The following GPHN variants were observed in gnomAD, a reference collection of about 807,000 sequenced individuals.
The protein encoded by GPHN is gephyrin.
Under a neutral mutation model 95.5 loss-of-function variants are expected in GPHN, and 17 were observed. The ratio of observed to expected loss-of-function variants is 0.18; its 90% CI spans 0.12 to 0.27. The LOEUF is 0.27. Ranked by LOEUF, GPHN falls within the 10% of genes least tolerant of loss-of-function variation. GPHN has a pLI of 1.00. For missense variants in GPHN, 660 were observed against 978.1 expected, an observed-to-expected ratio of 0.67 and a Z score of 4.34; for synonymous variants, 320 against 322.5, an observed-to-expected ratio of 0.99 and a Z score of 0.08.
chr14:67,622,566 T>G, the GPHN span, among the ~76,000 whole-genome samples: 1 of 152,246 alleles, frequency 6.6e-6, no homozygotes, highest in Non-Finnish European at 1.5e-5. Context: ...AGATTTAGTC[T>G]TCTTTTAATG....
chr14:66,775,570 A>C (rs1296698668), intron 2 of GPHN, among the ~76,000 whole-genome samples: 1 of 152,202 alleles, frequency 6.6e-6, no homozygotes, highest in Non-Finnish European at 1.5e-5. Flanking sequence ...CTAAGTATTC[A>C]AAATCTGGTG....
At chr14:67,346,398 A>G in the GPHN span, among the ~76,000 whole-genome samples, 15 of 152,166 alleles carry the variant, frequency 9.9e-5, no homozygotes, top group Non-Finnish European at 2.2e-4. Context: ...TGTAAGCTCC[A>G]CTTCTCAGGC....
the GPHN span, chr14:67,411,929 G>C: frequency 8.0e-7 from 1 of 1,243,870 alleles, no homozygotes; most frequent in Non-Finnish European, 1.1e-6. Context: ...GAGCATGCCC[G>C]TTCCGGGGCG....
the GPHN span, chr14:67,690,777 G>A: frequency 2.6e-6 from 1 of 380,978 alleles, no homozygotes; most frequent in Non-Finnish European, 4.8e-6. Flanking sequence ...GAGGCCAGGA[G>A]TTTAAGTACA....
At chr14:66,943,948 G>A (rs1031433229) in intron 8 of GPHN, among the ~76,000 whole-genome samples, 1 of 152,144 alleles carries the variant, frequency 6.6e-6, no homozygotes, top group African/African-American at 2.4e-5. Context: ...AATTCTTGGG[G>A]TTCCATGAAG....
chr14:67,089,133 C>CTTTTTTTTTGTTTTTTTTT, intron 12 of GPHN, 58 bp downstream of exon 12: 1 of 198,576 alleles, frequency 5.0e-6, no homozygotes, highest in Admixed American at 1.2e-4. Context: ...TTCTTTTTTT[C>CTTTTTTTTTGTTTTTTTTT]TTTTTTTTTT....
the GPHN span, among the ~76,000 whole-genome samples, chr14:67,391,721 T>C: frequency 2.6e-5 from 4 of 152,342 alleles, no homozygotes; most frequent in South Asian, 8.3e-4. Context: ...GTTCACAGAA[T>C]ACCCTTTTTG....
At chr14:67,128,319 T>G (rs1041733773) in intron 17 of GPHN, among the ~76,000 whole-genome samples, 15 of 151,810 alleles carry the variant, frequency 9.9e-5, no homozygotes, top group African/African-American at 3.6e-4. Context: ...TGCAGTGGCG[T>G]GATCTCGGCT....
At chr14:67,453,269 G>T in the GPHN span, among the ~76,000 whole-genome samples, 1 of 152,178 alleles carries the variant, frequency 6.6e-6, no homozygotes, top group Non-Finnish European at 1.5e-5. Flanking sequence ...TAGTCAAAGT[G>T]CCCCTCTTCC....
the GPHN span, among the ~76,000 whole-genome samples, chr14:67,457,213 C>A: frequency 1.3e-5 from 2 of 152,152 alleles, no homozygotes; most frequent in Non-Finnish European, 1.5e-5. Flanking sequence ...ATAATCTATA[C>A]GCCAAACCCT....
chr14:66,545,525 TC>T (rs2059537273), intron 1 of GPHN, among the ~76,000 whole-genome samples: 1 of 90,566 alleles, frequency 1.1e-5, no homozygotes, highest in Non-Finnish European at 1.9e-5. Context: ...CCCCCCCACC[TC>T]CCTCCCGGAC....
intron 1 of GPHN, among the ~76,000 whole-genome samples, chr14:66,531,562 C>T (rs1338384590): frequency 6.6e-6 from 1 of 152,048 alleles, no homozygotes; most frequent in African/African-American, 2.4e-5. Flanking sequence ...TGCAGTCTTC[C>T]CAAATAGTAG....
the GPHN span, chr14:67,562,742 C>T: frequency 4.5e-5 from 72 of 1,613,628 alleles, no homozygotes; most frequent in South Asian, 4.5e-4. Context: ...AGCTAGGTCC[C>T]GGGAGGAACC....
intron 18 of GPHN, among the ~76,000 whole-genome samples, chr14:67,156,970 C>CA (rs769476551): frequency 0.089 from 7,679 of 85,838 alleles, 187 homozygotes; most frequent in Middle Eastern, 0.13. Context: ...GACTCTGTCT[C>CA]AAAAAAAAAA....
Position 66,768,599 on chromosome 14 carries a change from A to G in GPHN, c.144-7865A>G, listed in dbSNP as rs1056458174. Reference sequence around the variant, plus strand: ...ACATGACAATTATAAACATACATGTACCCAAAAACAGAGTTTCAAAATACA... The same window carrying G: ...ACATGACAATTATAAACATACATGTGCCCAAAAACAGAGTTTCAAAATACA... On this transcript the variant is annotated intron_variant, in intron 2 of 22. Transcript: ENST00000478722. Among the ~76,000 whole-genome samples, 6 of 152,112 alleles carry G rather than the reference A, an allele frequency of 3.9e-5. No homozygotes were observed. The South Asian group carries it at 1.2e-3, about 32-fold the overall frequency.
intron 11 of GPHN, among the ~76,000 whole-genome samples, chr14:67,076,629 T>C (rs183247297): frequency 5.9e-4 from 90 of 152,304 alleles, no homozygotes; most frequent in African/African-American, 2.1e-3. Flanking sequence ...CAGTGAATAG[T>C]TGTTATGTGA....
intron 9 of GPHN, among the ~76,000 whole-genome samples, chr14:66,976,646 A>C (rs769330455): frequency 6.6e-6 from 1 of 152,160 alleles, no homozygotes; most frequent in Non-Finnish European, 1.5e-5. Flanking sequence ...AATTCATTGA[A>C]TATTTCAGTG....
At chr14:66,618,324 TG>T (rs780437397) in intron 1 of GPHN, among the ~76,000 whole-genome samples, 100 of 152,296 alleles carry the variant, frequency 6.6e-4, no homozygotes, top group Middle Eastern at 6.8e-3. Context: ...GTGATCCACC[TG>T]TGTCTACCTC....
intron 1 of GPHN, among the ~76,000 whole-genome samples, chr14:66,586,287 A>C (rs1022221617): frequency 6.6e-6 from 1 of 151,568 alleles, no homozygotes. Flanking sequence ...GTGTGTCTGC[A>C]TGTGAGATGG....
Sources: gnomAD v4.1 joint callset for allele counts (sites outside exome capture counted in the v4.1 genomes callset) on GRCh38, gnomAD v4.1.1 for gene constraint, MANE v1.5 for transcripts, NCBI Gene and HGNC (gene_info 2026-07-23, HGNC 2026-07-21) for gene names.